C2CD2: variants seen among roughly 807,000 people sequenced by gnomAD.
The protein encoded by C2CD2 is C2 calcium dependent domain containing 2, also known as C2 domain-containing protein 2.
C2CD2 carries 43 observed loss-of-function variants against 74.3 expected under a neutral mutation model. The ratio of observed to expected loss-of-function variants is 0.58; its 90% CI spans 0.45 to 0.75. The LOEUF is 0.75. Among genes scored for constraint, C2CD2 ranks in the 30% least tolerant of loss-of-function variants. The pLI, the probability that C2CD2 is intolerant of heterozygous loss-of-function variation, is 0.00. For synonymous variants in C2CD2, 422 were observed against 390.7 expected, an observed-to-expected ratio of 1.08 and a Z score of -0.94; for missense variants, 801 against 916.3, an observed-to-expected ratio of 0.87 and a Z score of 1.63.
At chr21:41,941,055 T>A (rs926832067) in intron 2 of C2CD2, among the ~76,000 whole-genome samples, 1 of 151,990 alleles carries the variant, frequency 6.6e-6, no homozygotes, top group Non-Finnish European at 1.5e-5. Context: ...AGATTTGTAT[T>A]GAAGAGAAAA....
Position 41,942,203 on chromosome 21 carries a change from C to G in C2CD2, c.322G>C (p.Ala108Pro), listed in dbSNP as rs2065360464. Residue 108 changes from alanine to proline, a missense_variant, in exon 2 of 14, where the codon GCA becomes CCA. Coordinates refer to ENST00000380486, the MANE Select transcript of C2CD2 (RefSeq NM_015500.2). ...ACCTCCTGCACCACCAGCTCCAGTG[C>G]CTGCTGCCGCGGGTCCTCCTCAAAG... is the stretch of plus-strand genomic sequence containing the variant. ...LSFEEDPRQQALELVVQEVSS... is the reference protein window; with the variant it reads ...LSFEEDPRQQPLELVVQEVSS... The G allele has an allele frequency of 2.6e-6, 4 of 1,549,550 alleles. No individual in the cohort carries two copies. The highest frequency in any genetic ancestry group is 3.5e-6 in the Non-Finnish European group (4 of 1,146,824).
intron 1 of C2CD2, among the ~76,000 whole-genome samples, chr21:41,947,112 T>TTCTC (rs147753254): frequency 9.5e-4 from 25 of 26,216 alleles, no homozygotes; most frequent in East Asian, 6.6e-3. Context: ...CCTTTCTCTT[T>TTCTC]TCTCTCTCTC....
Position 41,903,743 on chromosome 21 carries a change from C to T in C2CD2, c.1432+1981G>A, listed in dbSNP as rs2064927354. 6.6e-6 allele frequency among the ~76,000 whole-genome samples: 1 copy of T among 152,136 alleles called. No individual in the cohort carries two copies. Among genetic ancestry groups the T allele is most frequent in the African/African-American group, 2.4e-5 (1 of 41,430 alleles). On this transcript the variant is annotated intron_variant, in intron 11 of 13. Transcript: ENST00000380486. This position sits in a 1 kb window ranked among gnomAD's most constrained non-coding sequence, Gnocchi z 4.5. ...TCCCCCGAGAGCCCGGTCCAGGTGC[C>T]AGGTGCAGCCTGCACCGTGGCAGGT...
rs1555906756 is a variant in C2CD2 at position 41,947,112 on chromosome 21, T to TTCTCTCCCTCTCTCTCTCTCTC, written c.280-4868_280-4867insGAGAGAGAGAGAGAGGGAGAGA. 2.2e-3 allele frequency among the ~76,000 whole-genome samples: 58 copies of TTCTCTCCCTCTCTCTCTCTCTC among 26,200 alleles called. 9 individuals carry two copies. The highest frequency in any genetic ancestry group is 6.8e-3 in the Admixed American group (19 of 2,790). The allele number at this position is 26,200 out of a possible 152,430, so 17.2% of individuals were successfully genotyped here. A position where few individuals can be genotyped will look rare whatever the true frequency, so the allele number is the denominator to read the frequency against. On this transcript the variant is annotated intron_variant, in intron 1 of 13. Coordinates refer to ENST00000380486, the MANE Select transcript of C2CD2 (RefSeq NM_015500.2). ...TTTCTTTCTTTCTTTCCTTTCTCTT[T>TTCTCTCCCTCTCTCTCTCTCTC]TCTCTCTCTCTCTCTCTCTCTCTCT...
chr21:41,924,218 C>A lies in C2CD2; in HGVS notation c.379-2133G>T, dbSNP rs1313375986. 6.6e-6 allele frequency among the ~76,000 whole-genome samples: 1 copy of A among 152,222 alleles called. No homozygotes were observed. Among genetic ancestry groups the A allele is most frequent in the Non-Finnish European group, 1.5e-5 (1 of 68,034 alleles). On this transcript the variant is annotated intron_variant, in intron 2 of 13. Coordinates refer to ENST00000380486, the MANE Select transcript of C2CD2 (RefSeq NM_015500.2). The surrounding 1 kb of genome is among the most constrained non-coding windows in gnomAD (Gnocchi z 4.4). The stretch of plus-strand genomic sequence containing the variant: ...AGGACATTCCCCTGTACTTTCTCAT[C>A]TGCTGGCTCCTGGCCGCAGCCAAGC...
intron 11 of C2CD2, among the ~76,000 whole-genome samples, chr21:41,904,555 C>G (rs1210251618): frequency 6.6e-6 from 1 of 152,192 alleles, no homozygotes; most frequent in Non-Finnish European, 1.5e-5. Context: ...GATCAAGATC[C>G]TTTTCTGGTA....
Position 41,896,374 on chromosome 21 carries a change from C to T in C2CD2, c.1870+2679G>A, listed in dbSNP as rs375581925. ...CAGACACCACACGCACACAGGACGC[C>T]ACTGTGCAGGATATTTGGCAAGGTT... is the stretch of plus-strand genomic sequence containing the variant. On this transcript the variant is annotated intron_variant, in intron 13 of 13. Coordinates refer to ENST00000380486, the MANE Select transcript of C2CD2 (RefSeq NM_015500.2). Among the ~76,000 whole-genome samples the T allele has an allele frequency of 1.3e-3, 202 of 152,264 alleles. 3 individuals carry two copies. The highest frequency in any genetic ancestry group is 4.3e-3 in the African/African-American group (177 of 41,550).
chr21:41,950,040 T>C (rs1260580488), intron 1 of C2CD2, among the ~76,000 whole-genome samples: 5 of 151,696 alleles, frequency 3.3e-5, no homozygotes, highest in African/African-American at 1.2e-4. Context: ...CTAATGTAAA[T>C]GACAAGTTGA....
intron 7 of C2CD2, among the ~76,000 whole-genome samples, chr21:41,909,740 T>C (rs919613331): frequency 6.6e-6 from 1 of 152,124 alleles, no homozygotes; most frequent in Non-Finnish European, 1.5e-5. Context: ...TCCAGAGTAG[T>C]CAACAGGATG....
At chr21:41,911,450 G>A (rs974483074) in intron 7 of C2CD2, among the ~76,000 whole-genome samples, 27 of 144,832 alleles carry the variant, frequency 1.9e-4, no homozygotes, top group Non-Finnish European at 3.6e-4. Context: ...AGTGTGCAGT[G>A]GTACAATCTC....
chr21:41,928,271 CT>C (rs754183928), intron 2 of C2CD2, among the ~76,000 whole-genome samples: 3 of 152,158 alleles, frequency 2.0e-5, no homozygotes, highest in Non-Finnish European at 4.4e-5. Flanking sequence ...GTCTTTCACT[CT>C]GTTTCCTCCA....
In C2CD2 at chr21:41,912,276, C is replaced by T. The variant is rs377693629; in HGVS notation, c.953+56G>A. 1.1e-3 allele frequency: 1,101 copies of T among 1,035,196 alleles called. 4 individuals carry two copies. The highest frequency in any genetic ancestry group is 7.5e-4 in the South Asian group (55 of 73,022). 64.1% of individuals were successfully genotyped at this position (1,035,196 alleles called of 1,614,324 possible). A position where few individuals can be genotyped will look rare whatever the true frequency, so the allele number is the denominator to read the frequency against. ...GCTGCAGAATGATTTCAGGATTTGG[C>T]GCTCCTGAACAGACACGGCCGTGGA... On this transcript the variant is annotated intron_variant, in intron 7 of 13. Coordinates refer to ENST00000380486, the MANE Select transcript of C2CD2 (RefSeq NM_015500.2).
At chr21:41,915,107 G>A (rs1025768696) in intron 5 of C2CD2, among the ~76,000 whole-genome samples, 1 of 152,164 alleles carries the variant, frequency 6.6e-6, no homozygotes, top group Non-Finnish European at 1.5e-5. Context: ...CGCTGGCTGC[G>A]GGCACTCATG....
Position 41,906,950 on chromosome 21 carries a change from C to A in C2CD2, c.1318+42G>T, listed in dbSNP as rs369384195. 5 of 1,527,852 alleles carry A rather than the reference C, an allele frequency of 3.3e-6. No individual in the cohort carries two copies. In the Middle Eastern group the frequency reaches 6.9e-4, roughly 212 times the overall value. 94.6% of individuals were successfully genotyped at this position (1,527,852 alleles called of 1,614,324 possible). A position where few individuals can be genotyped will look rare whatever the true frequency, so the allele number is the denominator to read the frequency against. On this transcript the variant is annotated intron_variant, in intron 10 of 13. Coordinates refer to ENST00000380486, the MANE Select transcript of C2CD2 (RefSeq NM_015500.2). Reference sequence around the variant, plus strand: ...TGGGGGCAAGGTGGTTACAGGCAGGCGTCATGCAGAAAGTTCCTCGACTGC... The same window carrying A: ...TGGGGGCAAGGTGGTTACAGGCAGGAGTCATGCAGAAAGTTCCTCGACTGC...
At chr21:41,943,626 C>T (rs1301758253) in intron 1 of C2CD2, among the ~76,000 whole-genome samples, 2 of 152,116 alleles carry the variant, frequency 1.3e-5, no homozygotes, top group East Asian at 1.9e-4. Context: ...AAGGCGTGAC[C>T]GAGGGTGGGA....
At position 41,948,888 on chromosome 21, in the gene C2CD2, TTTTTC is replaced by T. The variant is rs1308023579; in HGVS notation, c.279+4477_279+4481del. ...ACAGCATCTTTTTTTTTTTTTTTTTTTTTTCTTTTTTTTTACAAAGACCATAATGA... is the reference window on the plus strand; with the variant it reads ...ACAGCATCTTTTTTTTTTTTTTTTTTTTTTTTTTTACAAAGACCATAATGA... On this transcript the variant is annotated intron_variant, in intron 1 of 13. Coordinates refer to ENST00000380486, the MANE Select transcript of C2CD2 (RefSeq NM_015500.2). 1.1e-3 allele frequency among the ~76,000 whole-genome samples: 145 copies of T among 129,504 alleles called. 22 individuals carry two copies. Among genetic ancestry groups the T allele is most frequent in the African/African-American group, 1.6e-3 (56 of 35,354 alleles). 85.0% of individuals were successfully genotyped at this position (129,504 alleles called of 152,430 possible). A position where few individuals can be genotyped will look rare whatever the true frequency, so the allele number is the denominator to read the frequency against.
At chr21:41,905,977 A>C in intron 10 of C2CD2, 140 bp from the exon 11 acceptor site, 1 of 672,096 alleles carries the variant, frequency 1.5e-6, no homozygotes, top group South Asian at 1.6e-5. Context: ...AGCTGTTTTG[A>C]GGGGAGGAGG....
At chr21:41,952,415 AT>A (rs2065457557) in intron 1 of C2CD2, among the ~76,000 whole-genome samples, 1 of 152,202 alleles carries the variant, frequency 6.6e-6, no homozygotes, top group African/African-American at 2.4e-5. Flanking sequence ...CAATTCTGCT[AT>A]TTCCACAGCG....
At chr21:41,889,692 G>A (rs2064727186) in intron 13 of C2CD2, among the ~76,000 whole-genome samples, 1 of 151,148 alleles carries the variant, frequency 6.6e-6, no homozygotes, top group African/African-American at 2.4e-5. Context: ...GGACTGCAGT[G>A]GCGCGATCTT....
Sources: allele counts gnomAD v4.1 joint callset (sites outside exome capture counted in the v4.1 genomes callset), GRCh38; gene constraint gnomAD v4.1.1; non-coding constraint Gnocchi (gnomAD v3.1); transcripts MANE v1.5; gene names NCBI Gene and HGNC (gene_info 2026-07-23, HGNC 2026-07-21).